LYRM4: variants seen among roughly 807,000 people sequenced by gnomAD.
The protein encoded by LYRM4 is LYR motif containing 4.
In LYRM4, 9 loss-of-function variants were observed where a neutral mutation model predicts 11.7. That is an observed-to-expected ratio of 0.77 (90% CI 0.46 to 1.34). The LOEUF (loss-of-function observed/expected upper bound fraction) is 1.34. Among genes scored for constraint, LYRM4 ranks in the 40% most tolerant of loss-of-function variants. The pLI is 0.00. For missense variants in LYRM4, 133 were observed against 112.5 expected (o/e 1.18, Z -0.82); for synonymous variants, 42 against 40.4 (o/e 1.04, Z -0.15).
At chr6:5,037,818 A>AC in the LYRM4 span, among the ~76,000 whole-genome samples, 1 of 50,374 alleles carries the variant, frequency 2.0e-5, no homozygotes, top group Non-Finnish European at 4.7e-5. Context: ...CAGGGGGCTG[A>AC]CCCCCCCTCC....
downstream of LYRM4, chr6:5,105,254 G>A (rs761702390): frequency 7.2e-5 from 11 of 152,304 alleles, no homozygotes; most frequent in South Asian, 2.1e-4. Context: ...ACTTTCTCGC[G>A]CATCGGCAGG....
chr6:5,175,997 G>A (rs1035426740), intron 2 of LYRM4, among the ~76,000 whole-genome samples: 7 of 151,918 alleles, frequency 4.6e-5, no homozygotes, highest in Non-Finnish European at 4.4e-5. Flanking sequence ...GATAGCATGT[G>A]CACTATCAGC....
the LYRM4 span, among the ~76,000 whole-genome samples, chr6:5,057,724 A>G: frequency 3.8e-4 from 58 of 150,728 alleles, no homozygotes; most frequent in African/African-American, 1.4e-3. Context: ...AAAAAAAAAA[A>G]GAAAAAAAAA....
chr6:5,246,727 G>T lies in LYRM4; in HGVS notation c.86+13921C>A, dbSNP rs114584779. 4.4e-3 allele frequency among the ~76,000 whole-genome samples: 667 copies of T among 152,218 alleles called. 2 individuals are homozygous for T. The highest frequency in any genetic ancestry group is 0.015 in the African/African-American group (630 of 41,530). ...GGAAGGAGTCTTGGACAAATGCCCA[G>T]TTCCAGCTTTGTTGTGGCAGGTCTG... On this transcript the variant is annotated intron_variant, in intron 1 of 2. Transcript: ENST00000330636.
intron 2 of LYRM4, among the ~76,000 whole-genome samples, chr6:5,149,322 A>C (rs1180686486): frequency 6.6e-6 from 1 of 152,186 alleles, no homozygotes; most frequent in African/African-American, 2.4e-5. Flanking sequence ...TCAACCCAGG[A>C]TCGGTATTTT....
chr6:5,215,039 ATT>A (rs11442956), intron 2 of LYRM4, among the ~76,000 whole-genome samples: 4 of 145,510 alleles, frequency 2.7e-5, no homozygotes, highest in African/African-American at 2.5e-5. Context: ...CCAGTTTAGT[ATT>A]TTTTTTTTTT....
intron 2 of LYRM4, among the ~76,000 whole-genome samples, chr6:5,160,023 C>T (rs115283082): frequency 1.5e-3 from 234 of 152,314 alleles, no homozygotes; most frequent in African/African-American, 5.0e-3. Flanking sequence ...GGCTGATCTT[C>T]TCAATGCAGA....
At chr6:5,234,929 C>T (rs1009291376) in intron 1 of LYRM4, among the ~76,000 whole-genome samples, 1 of 152,114 alleles carries the variant, frequency 6.6e-6, no homozygotes, top group South Asian at 2.1e-4. Flanking sequence ...TACTCCCAAA[C>T]CCCCAGAGCT....
At chr6:5,077,565 C>T in the LYRM4 span, among the ~76,000 whole-genome samples, 4 of 152,012 alleles carry the variant, frequency 2.6e-5, no homozygotes, top group East Asian at 3.9e-4. Context: ...TGAGTATTTA[C>T]AGTCATCCAA....
At chr6:5,086,103 G>A in the LYRM4 span, 5 of 1,463,530 alleles carry the variant, frequency 3.4e-6, no homozygotes, top group Admixed American at 5.0e-5. Flanking sequence ...TCCCGGGGCC[G>A]AGCGCCGCGG....
At chr6:5,245,315 G>A (rs1345862347) in intron 1 of LYRM4, among the ~76,000 whole-genome samples, 4 of 150,918 alleles carry the variant, frequency 2.7e-5, no homozygotes, top group Non-Finnish European at 4.4e-5. Context: ...GAACATGGCC[G>A]CCCCGGTAGT....
intron 2 of LYRM4, among the ~76,000 whole-genome samples, chr6:5,131,084 A>C (rs1763931240): frequency 6.6e-6 from 1 of 152,228 alleles, no homozygotes; most frequent in South Asian, 2.1e-4. Flanking sequence ...GGGATGAGTT[A>C]AGATATACCG....
At chr6:5,044,592 C>T in the LYRM4 span, among the ~76,000 whole-genome samples, 7 of 152,102 alleles carry the variant, frequency 4.6e-5, no homozygotes, top group African/African-American at 4.8e-5. Flanking sequence ...TTCAAAAAGG[C>T]GGCCATGGTT....
At chr6:5,258,934 A>G (rs766329121) in intron 1 of LYRM4, among the ~76,000 whole-genome samples, 2 of 152,216 alleles carry the variant, frequency 1.3e-5, no homozygotes, top group Non-Finnish European at 1.5e-5. Context: ...TCAGTTGGCA[A>G]TTACTCATTT....
At chr6:5,129,580 A>G (rs906956929) in intron 2 of LYRM4, among the ~76,000 whole-genome samples, 2 of 152,104 alleles carry the variant, frequency 1.3e-5, no homozygotes, top group Admixed American at 6.6e-5. Context: ...TGATTACAGT[A>G]GGGCCAATGT....
chr6:5,215,674 G>C (rs1159954795), intron 2 of LYRM4, among the ~76,000 whole-genome samples: 1 of 152,118 alleles, frequency 6.6e-6, no homozygotes, highest in Non-Finnish European at 1.5e-5. Flanking sequence ...GCATGAAGAA[G>C]GGTCAGGGAA....
chr6:5,039,753 C>A, the LYRM4 span, among the ~76,000 whole-genome samples: 1 of 152,088 alleles, frequency 6.6e-6, no homozygotes, highest in East Asian at 1.9e-4. Flanking sequence ...AATTGAAAAT[C>A]TGATCTAAAA....
chr6:5,148,126 G>C (rs1295199011), intron 2 of LYRM4: 1 of 152,618 alleles, frequency 6.6e-6, no homozygotes, highest in Non-Finnish European at 1.5e-5. Context: ...TCCGTGACTG[G>C]TGTCCCGGCC....
chr6:5,169,598 T>C (rs1759298474), intron 2 of LYRM4, among the ~76,000 whole-genome samples: 1 of 152,338 alleles, frequency 6.6e-6, no homozygotes, highest in East Asian at 1.9e-4. Flanking sequence ...GTAGACAGTA[T>C]GTGAAATACA....
Sources: allele counts gnomAD v4.1 joint callset (sites outside exome capture counted in the v4.1 genomes callset), GRCh38; gene constraint gnomAD v4.1.1; transcripts MANE v1.5; gene names NCBI Gene and HGNC (gene_info 2026-07-23, HGNC 2026-07-21).